Variants in SATB2 observed in about 807,000 individuals in gnomAD.
SATB2 encodes SATB homeobox 2, also known as DNA-binding protein SATB2.
Under a neutral mutation model 73.4 loss-of-function variants are expected in SATB2, and 1 was observed. The ratio of observed to expected loss-of-function variants is 0.01; its 90% CI spans 0.00 to 0.06. The LOEUF is 0.06. Among genes scored for constraint, SATB2 ranks in the 10% least tolerant of loss-of-function variants. The probability of loss-of-function intolerance (pLI) is 1.00; values close to 1 mark genes in which losing one functional copy is unlikely to be tolerated. For missense variants in SATB2, 459 were observed against 945.8 expected, an observed-to-expected ratio of 0.49 and a Z score of 6.75; for synonymous variants, 397 against 367.0, an observed-to-expected ratio of 1.08 and a Z score of -0.93.
At chr2:199,335,264 G>A (rs570697203) in intron 7 of SATB2, among the ~76,000 whole-genome samples, 15 of 152,192 alleles carry the variant, frequency 9.9e-5, no homozygotes, top group South Asian at 6.2e-4. Context: ...TTGTCGGATG[G>A]GGTGGATAGA....
chr2:199,391,372 G>C (rs1175065083), intron 3 of SATB2, among the ~76,000 whole-genome samples: 3 of 148,794 alleles, frequency 2.0e-5, no homozygotes, highest in African/African-American at 5.0e-5. Flanking sequence ...GGCAGAGGTT[G>C]CAGTGACCAG....
intron 8 of SATB2, among the ~76,000 whole-genome samples, chr2:199,325,787 G>C (rs2105791354): frequency 6.6e-6 from 1 of 152,064 alleles, no homozygotes; most frequent in East Asian, 1.9e-4. Context: ...CTGTAAAATG[G>C]GCATAATACC....
chr2:199,355,642 G>A (rs1210699773), intron 6 of SATB2, among the ~76,000 whole-genome samples: 3 of 151,838 alleles, frequency 2.0e-5, no homozygotes, highest in African/African-American at 4.8e-5. Context: ...GTGATCTGAG[G>A]ATTATCTGTA....
chr2:199,437,706 A>C (rs1178700966), intron 2 of SATB2, among the ~76,000 whole-genome samples: 1 of 152,212 alleles, frequency 6.6e-6, no homozygotes, highest in East Asian at 1.9e-4. Flanking sequence ...ACAATTTTAC[A>C]TATTTAAGTT....
intron 4 of SATB2, among the ~76,000 whole-genome samples, chr2:199,381,354 ATG>A (rs1296627318): frequency 1.3e-4 from 20 of 152,190 alleles, no homozygotes; most frequent in African/African-American, 4.1e-4. Context: ...TTCAAATACT[ATG>A]TGCTACACAT....
intron 10 of SATB2, among the ~76,000 whole-genome samples, chr2:199,295,760 C>T (rs1226354260): frequency 6.6e-6 from 1 of 152,040 alleles, no homozygotes. Context: ...TATTCTATAT[C>T]AAAAGGTGAA....
intron 3 of SATB2, among the ~76,000 whole-genome samples, chr2:199,420,334 C>T (rs990011369): frequency 6.6e-6 from 1 of 152,178 alleles, no homozygotes; most frequent in Non-Finnish European, 1.5e-5. Context: ...AATACCCATA[C>T]CACTCCTTTT....
intron 5 of SATB2, among the ~76,000 whole-genome samples, chr2:199,370,861 T>G (rs753264337): frequency 6.6e-6 from 1 of 151,832 alleles, no homozygotes; most frequent in Non-Finnish European, 1.5e-5. Flanking sequence ...TTAGATTTGT[T>G]TTCTGTCCCA....
At chr2:199,411,204 C>T (rs775395335) in intron 3 of SATB2, among the ~76,000 whole-genome samples, 5 of 151,098 alleles carry the variant, frequency 3.3e-5, no homozygotes, top group Non-Finnish European at 5.9e-5. Flanking sequence ...TTCCAAGTCA[C>T]TATGTCCAGA....
chr2:199,362,649 A>G, intron 6 of SATB2, among the ~76,000 whole-genome samples: 1 of 152,178 alleles, frequency 6.6e-6, no homozygotes, highest in East Asian at 1.9e-4. Context: ...AGGAAGAAAA[A>G]GGTAATGCTC....
intron 10 of SATB2, among the ~76,000 whole-genome samples, chr2:199,284,087 A>G (rs1342584314): frequency 6.6e-6 from 1 of 152,234 alleles, no homozygotes; most frequent in Non-Finnish European, 1.5e-5. Flanking sequence ...GTTGCCAATT[A>G]TACCTTTTAA....
intron 5 of SATB2, 88 bp downstream of exon 5, chr2:199,380,276 G>A (rs1382597568): frequency 3.4e-6 from 5 of 1,486,188 alleles, no homozygotes; most frequent in Non-Finnish European, 9.4e-7. Context: ...AGACAGAGAA[G>A]ACAGTTGTTT....
Position 199,368,656 on chromosome 2 carries a change from T to C in SATB2, c.649A>G (p.Thr217Ala). 2 of 1,611,568 alleles carry C rather than the reference T, an allele frequency of 1.2e-6. No individual in the cohort carries two copies. The highest frequency in any genetic ancestry group is 1.7e-6 in the Non-Finnish European group (2 of 1,177,952). ...CATCTCCCAAACTCCTGGCACTTGGTTGCTGACACATTGGCATAATATGTG... is the reference window on the plus strand; with the variant it reads ...CATCTCCCAAACTCCTGGCACTTGGCTGCTGACACATTGGCATAATATGTG... ...NSTYYANVSA[T>A]KCQEFGRWYK... Residue 217 changes from threonine (T) to alanine (A), a missense_variant, in exon 6 of 11, where the codon ACC becomes GCC. Transcript: ENST00000417098.
At chr2:199,305,891 G>T (rs950785720) in intron 10 of SATB2, among the ~76,000 whole-genome samples, 1 of 152,068 alleles carries the variant, frequency 6.6e-6, no homozygotes, top group Middle Eastern at 3.2e-3. Context: ...GAGGACTTAC[G>T]TGTTTTTTAA....
intron 10 of SATB2, among the ~76,000 whole-genome samples, chr2:199,281,904 CAG>C (rs1692512875): frequency 1.5e-5 from 2 of 137,926 alleles, no homozygotes; most frequent in Non-Finnish European, 3.1e-5. Flanking sequence ...TTTTTTGAGA[CAG>C]GGTCTTGCTC....
chr2:199,366,632 A>T (rs1436983368), intron 6 of SATB2, among the ~76,000 whole-genome samples: 2 of 151,958 alleles, frequency 1.3e-5, no homozygotes, highest in African/African-American at 4.8e-5. Flanking sequence ...CCTCCTACTG[A>T]CACACACACA....
chr2:199,289,923 A>C (rs1356524679), intron 10 of SATB2, among the ~76,000 whole-genome samples: 5 of 152,190 alleles, frequency 3.3e-5, no homozygotes, highest in African/African-American at 1.2e-4. Flanking sequence ...CTCTTGCCTG[A>C]ATTACTCTGA....
At chr2:199,352,252 A>G (rs1688840452) in intron 6 of SATB2, among the ~76,000 whole-genome samples, 1 of 152,206 alleles carries the variant, frequency 6.6e-6, no homozygotes, top group Non-Finnish European at 1.5e-5. Context: ...TTAATTTTCC[A>G]AAATTTTGGT....
At chr2:199,437,943 C>A (rs1691699896) in intron 2 of SATB2, among the ~76,000 whole-genome samples, 1 of 152,076 alleles carries the variant, frequency 6.6e-6, no homozygotes, top group South Asian at 2.1e-4. Context: ...TTAACATGCC[C>A]CATGGCAAAA....
Sources: gnomAD v4.1 joint callset for allele counts (sites outside exome capture counted in the v4.1 genomes callset) on GRCh38, gnomAD v4.1.1 for gene constraint, MANE v1.5 for transcripts, NCBI Gene and HGNC (gene_info 2026-07-23, HGNC 2026-07-21) for gene names.